Variants in GUCY2F observed in about 807,000 individuals in gnomAD.
GUCY2F encodes retinal guanylyl cyclase 2.
A neutral mutation model predicts 73.1 loss-of-function variants in GUCY2F; 61 were observed. The observed-to-expected ratio is 0.83, with a 90% confidence interval of 0.68 to 1.03. The LOEUF (loss-of-function observed/expected upper bound fraction) is 1.03. Ranked by LOEUF, GUCY2F falls within the 50% of genes least tolerant of loss-of-function variation. The pLI, the probability that GUCY2F is intolerant of heterozygous loss-of-function variation, is 0.00. For synonymous variants in GUCY2F, 331 were observed against 307.8 expected (o/e 1.08, Z -0.79); for missense variants, 912 against 854.3 (o/e 1.07, Z -0.84).
chrX:109,480,602 T>C (rs1441319807), intron 1 of GUCY2F, among the ~76,000 whole-genome samples: 1 of 111,587 alleles, frequency 9.0e-6, no homozygotes, highest in East Asian at 2.8e-4. Flanking sequence ...AGATTTTTTA[T>C]ACCATTTCTA....
chrX:109,469,206 A>T (rs1208961538), intron 2 of GUCY2F, among the ~76,000 whole-genome samples: 1 of 111,495 alleles, frequency 9.0e-6, no homozygotes, highest in African/African-American at 3.3e-5. Flanking sequence ...TGTGGCACCA[A>T]CCATAGCAGG....
chrX:109,373,439 G>A (rs1278069167), intron 19 of GUCY2F, among the ~76,000 whole-genome samples: 1 of 111,509 alleles, frequency 9.0e-6, no homozygotes, highest in African/African-American at 3.3e-5. Context: ...GGTCCTGATA[G>A]CAGAAGGAAA....
intron 6 of GUCY2F, among the ~76,000 whole-genome samples, chrX:109,447,403 A>T (rs1336225951): frequency 9.0e-6 from 1 of 111,167 alleles, no homozygotes; most frequent in African/African-American, 3.3e-5. Context: ...AGACTGGATT[A>T]AGAAAATGTG....
Position 109,482,059 on chromosome X carries a change from T to G in GUCY2F, c.-279A>C, listed in dbSNP as rs1392523016. On this transcript the variant is annotated 5_prime_UTR_variant, in exon 1 of 20. Transcript: ENST00000218006. The stretch of plus-strand genomic sequence containing the variant: ...TAGTAAATGTTTTGAAAATCACTCT[T>G]CAGCATCCGCAGACCAAGACTTGGA... The G allele has an allele frequency of 1.8e-5, 2 of 112,066 alleles. No homozygotes were observed. The highest frequency in any genetic ancestry group is 3.8e-5 in the Non-Finnish European group (2 of 53,165). The allele number at this position is 112,066 out of a possible 1,213,427, so 9.2% of individuals were successfully genotyped here. A position where few individuals can be genotyped will look rare whatever the true frequency, so the allele number is the denominator to read the frequency against.
At position 109,404,390 on chromosome X, in the gene GUCY2F, T is replaced by A. The variant is rs761819156; in HGVS notation, c.2063A>T (p.Asp688Val). ...VDGRFVLKVTDYGFNDILEML... is the reference protein window; with the variant it reads ...VDGRFVLKVTVYGFNDILEML... ...TTCTAAGATGTCGTTAAAGCCATAA[T>A]CTGTCACTTTTAGTACAAAACGCCC... Residue 688 changes from aspartate (D) to valine (V), a missense_variant, in exon 10 of 20, where the codon GAT (aspartate) becomes GTT (valine). Physicochemically the swap from Asp to Val is radical, Grantham distance 152 (BLOSUM62 -3). Coordinates refer to ENST00000218006, the MANE Select transcript of GUCY2F (RefSeq NM_001522.3). The A allele has an allele frequency of 3.4e-6, 4 of 1,191,853 alleles. No homozygotes were observed. The East Asian group carries it at 1.2e-4, about 35-fold the overall frequency.
intron 17 of GUCY2F, among the ~76,000 whole-genome samples, chrX:109,381,722 G>T (rs759353159): frequency 8.9e-6 from 1 of 112,065 alleles, no homozygotes; most frequent in East Asian, 2.8e-4. Flanking sequence ...CTGAGAAAGT[G>T]AATAGAAAAT....
intron 2 of GUCY2F, among the ~76,000 whole-genome samples, chrX:109,472,043 G>T (rs1272851189): frequency 9.0e-6 from 1 of 111,340 alleles, no homozygotes; most frequent in Non-Finnish European, 1.9e-5. Flanking sequence ...TCATTGCATT[G>T]ATATTATGTA....
chrX:109,380,499 C>A (rs1930276211), intron 17 of GUCY2F, among the ~76,000 whole-genome samples: 1 of 103,172 alleles, frequency 9.7e-6, no homozygotes. Context: ...CTTCCTTGTT[C>A]CCTTGCCCCT....
intron 3 of GUCY2F, among the ~76,000 whole-genome samples, chrX:109,459,598 T>C (rs932228981): frequency 5.4e-5 from 6 of 111,721 alleles, no homozygotes; most frequent in African/African-American, 1.3e-4. Flanking sequence ...AAAGTTTTCA[T>C]GCTTAATGGT....
intron 3 of GUCY2F, among the ~76,000 whole-genome samples, chrX:109,455,338 A>G (rs1252894828): frequency 8.9e-6 from 1 of 112,010 alleles, no homozygotes. Flanking sequence ...TTCCTCTGTG[A>G]AATGAGAATA....
chrX:109,398,755 A>G (rs1192086082), intron 10 of GUCY2F, 57 bp from the exon 11 acceptor site: 1 of 1,073,420 alleles, frequency 9.3e-7, no homozygotes, highest in Non-Finnish European at 1.3e-6. Context: ...AATATCTGCA[A>G]TGCCCTCAAG....
At position 109,404,373 on chromosome X, in the gene GUCY2F, T is replaced by C; in HGVS notation, c.2080A>G (p.Ile694Val). The C allele has an allele frequency of 1.1e-5, 13 of 1,198,338 alleles. No individual in the cohort carries two copies. The highest frequency in any genetic ancestry group is 1.8e-5 in the South Asian group (1 of 56,472). Residue 694 changes from isoleucine to valine, a missense_variant, in exon 10 of 20, where the codon ATC (isoleucine) becomes GTC (valine). Ile to Val is a conservative substitution (Grantham distance 29). Coordinates refer to ENST00000218006, the MANE Select transcript of GUCY2F (RefSeq NM_001522.3). ...LKVTDYGFNDILEMLRLSEEE... is the reference protein window; with the variant it reads ...LKVTDYGFNDVLEMLRLSEEE... ...TCAGAGAGTCTCAGCATTTCTAAGA[T>C]GTCGTTAAAGCCATAATCTGTCACT...
intron 8 of GUCY2F, among the ~76,000 whole-genome samples, chrX:109,416,520 G>C (rs1603381523): frequency 8.2e-5 from 1 of 12,229 alleles, no homozygotes; most frequent in Non-Finnish European, 1.5e-4. Context: ...AAGGATAAGT[G>C]GGGACAATAT....
chrX:109,465,230 G>A lies in GUCY2F; in HGVS notation c.944C>T (p.Thr315Ile). The change falls in exon 3 of 20, where the codon ACA becomes ATA. Residue 315 changes from threonine to isoleucine, a missense_variant. Transcript: ENST00000218006. ...GAAGGTCTTTTCTTGGGACTCCACT[G>A]TAATGGTCAACACTGCATCATAGGC... ...REAYDAVLTITVESQEKTFYQ... is the reference protein window; with the variant it reads ...REAYDAVLTIIVESQEKTFYQ... The A allele has an allele frequency of 8.3e-7, 1 of 1,207,802 alleles. No homozygotes were observed. The highest frequency in any genetic ancestry group is 1.1e-6 in the Non-Finnish European group (1 of 891,729).
intron 6 of GUCY2F, among the ~76,000 whole-genome samples, chrX:109,443,955 T>C (rs1183835342): frequency 8.9e-6 from 1 of 112,092 alleles, no homozygotes. Context: ...TAGTATTGGG[T>C]TATATATTAG....
At chrX:109,379,805 A>G (rs747760879) in intron 17 of GUCY2F, among the ~76,000 whole-genome samples, 1 of 112,555 alleles carries the variant, frequency 8.9e-6, no homozygotes, top group South Asian at 3.7e-4. Context: ...CCAGTTAGGC[A>G]TTGATAATTT....
intron 3 of GUCY2F, among the ~76,000 whole-genome samples, chrX:109,463,118 T>C (rs1005223631): frequency 1.8e-5 from 2 of 111,797 alleles, no homozygotes; most frequent in Admixed American, 9.5e-5. Flanking sequence ...AAGAGATACA[T>C]AAACCTAAAT....
intron 7 of GUCY2F, among the ~76,000 whole-genome samples, chrX:109,435,995 A>G (rs1476792126): frequency 9.0e-6 from 1 of 111,364 alleles, no homozygotes; most frequent in Non-Finnish European, 1.9e-5. Flanking sequence ...ATCATGGTGG[A>G]TAAGCTTTTT....
chrX:109,480,457 CA>C (rs1932757981), intron 1 of GUCY2F, among the ~76,000 whole-genome samples: 1 of 110,870 alleles, frequency 9.0e-6, no homozygotes, highest in East Asian at 2.8e-4. Context: ...ACTTTTTGAG[CA>C]AAAAAATGAA....
Sources: allele counts gnomAD v4.1 joint callset (sites outside exome capture counted in the v4.1 genomes callset), GRCh38; gene constraint gnomAD v4.1.1; transcripts MANE v1.5; gene names NCBI Gene and HGNC (gene_info 2026-07-23, HGNC 2026-07-21).